The following TLR3 variants were observed in gnomAD, a reference collection of about 807,000 sequenced individuals.
TLR3 encodes the protein toll-like receptor 3.
In TLR3, 43 loss-of-function variants were observed where a neutral mutation model predicts 66.4. The ratio of observed to expected loss-of-function variants is 0.65; its 90% CI spans 0.51 to 0.83. The LOEUF (loss-of-function observed/expected upper bound fraction) is 0.83, where lower values mean the gene tolerates loss of function less well. Ranked by LOEUF, TLR3 falls within the 40% of genes least tolerant of loss-of-function variation. The probability of loss-of-function intolerance (pLI) is 0.00; values close to 1 mark genes in which losing one functional copy is unlikely to be tolerated. For synonymous variants in TLR3, 397 were observed against 397.2 expected (o/e 1.00, Z 0.01); for missense variants, 982 against 1,044.6 (o/e 0.94, Z 0.83).
intron 2 of TLR3, 107 bp downstream of exon 2, chr4:186,077,167 C>T (rs75258616): frequency 3.4e-6 from 4 of 1,189,518 alleles, no homozygotes; most frequent in Admixed American, 2.4e-5. Flanking sequence ...TTGATCTAAT[C>T]CAATTTGCCA....
chr4:186,086,676 A>C lies in TLR3; in HGVS notation c.*1803A>C, dbSNP rs947329627. 6.6e-6 allele frequency: 1 copy of C among 152,196 alleles called. No homozygotes were observed. Among genetic ancestry groups the C allele is most frequent in the Non-Finnish European group, 1.5e-5 (1 of 68,034 alleles). The allele number at this position is 152,196 out of a possible 1,614,324, so 9.4% of individuals were successfully genotyped here. ...TGTGTGTTATCACACAAATATTCTC[A>C]AATATTCATAAGATATTTTAAATAA... On this transcript the variant is annotated 3_prime_UTR_variant, in exon 5 of 5. Transcript: ENST00000296795.
At chr4:186,071,046 A>G (rs2099301373) in intron 1 of TLR3, among the ~76,000 whole-genome samples, 2 of 152,344 alleles carry the variant, frequency 1.3e-5, no homozygotes, top group South Asian at 4.1e-4. Context: ...ATGTTTGGAA[A>G]GCTTATCTCT....
chr4:186,075,467 T>C (rs959495468), intron 1 of TLR3, among the ~76,000 whole-genome samples: 1 of 151,822 alleles, frequency 6.6e-6, no homozygotes, highest in Non-Finnish European at 1.5e-5. Context: ...CTATAAAATT[T>C]AAAAAATAAT....
intron 3 of TLR3, among the ~76,000 whole-genome samples, chr4:186,081,224 G>A (rs1420961873): frequency 6.0e-5 from 9 of 150,416 alleles, no homozygotes; most frequent in Admixed American, 1.3e-4. Flanking sequence ...AGCTGAGATC[G>A]CACCACTGCA....
At position 186,085,262 on chromosome 4, in the gene TLR3, G is replaced by C. The variant is rs77751105; in HGVS notation, c.*389G>C. On this transcript the variant is annotated 3_prime_UTR_variant, in exon 5 of 5. Coordinates refer to ENST00000296795, the MANE Select transcript of TLR3 (RefSeq NM_003265.3). The stretch of plus-strand genomic sequence containing the variant: ...AGAATGAAAGATAATTGTTTCAATG[G>C]GTATAATGCTATTTCCTTTGTAAAA... 8.2e-3 allele frequency: 1,558 copies of C among 189,106 alleles called. 23 individuals are homozygous for C. The highest frequency in any genetic ancestry group is 0.035 in the African/African-American group (1,465 of 42,198). The allele number at this position is 189,106 out of a possible 1,614,324, so 11.7% of individuals were successfully genotyped here.
rs113522127 is a variant in TLR3 at position 186,084,900 on chromosome 4, G to T, written c.*27G>T. 1 of 1,568,906 alleles carries T rather than the reference G, an allele frequency of 6.4e-7. No homozygotes were observed. Among genetic ancestry groups the T allele is most frequent in the Non-Finnish European group, 8.7e-7 (1 of 1,143,476 alleles). Reference sequence around the variant, plus strand: ...TTTATTTAAATATTCAATTAGCAAAGGAGAAACTTTCTCAATTTAAAAAGT... The same window carrying T: ...TTTATTTAAATATTCAATTAGCAAATGAGAAACTTTCTCAATTTAAAAAGT... On this transcript the variant is annotated 3_prime_UTR_variant, in exon 5 of 5. Transcript: ENST00000296795.
At position 186,076,601 on chromosome 4, in the gene TLR3, T is replaced by C. The variant is rs2099302492; in HGVS notation, c.-7-12T>C. ...AATGTTGCTCATACTTTTTAATGTT[T>C]CTTTTCTACAGCAGAATCATGAGAC... On this transcript the variant is annotated splice_polypyrimidine_tract_variant and intron_variant, in intron 1 of 4. Transcript: ENST00000296795. The C allele has an allele frequency of 6.2e-7, 1 of 1,613,760 alleles. No homozygotes were observed. Among genetic ancestry groups the C allele is most frequent in the Admixed American group, 1.7e-5 (1 of 60,008 alleles).
In TLR3 at chr4:186,085,201, G is replaced by T; in HGVS notation, c.*328G>T. 1 of 275,022 alleles carries T rather than the reference G, an allele frequency of 3.6e-6. No individual in the cohort carries two copies. The highest frequency in any genetic ancestry group is 6.9e-6 in the Non-Finnish European group (1 of 144,628). The allele number at this position is 275,022 out of a possible 1,614,324, so 17.0% of individuals were successfully genotyped here. ...TTAAGAAAAGTTAGAGGTATATGAGGGTTTGTGATGATCTTTTTGTATTTT... is the reference window on the plus strand; with the variant it reads ...TTAAGAAAAGTTAGAGGTATATGAGTGTTTGTGATGATCTTTTTGTATTTT... On this transcript the variant is annotated 3_prime_UTR_variant, in exon 5 of 5. Coordinates refer to ENST00000296795, the MANE Select transcript of TLR3 (RefSeq NM_003265.3).
At chr4:186,074,259 G>A (rs1472330787) in intron 1 of TLR3, among the ~76,000 whole-genome samples, 1 of 152,220 alleles carries the variant, frequency 6.6e-6, no homozygotes, top group African/African-American at 2.4e-5. Context: ...CTTCATCCTT[G>A]TGGGAACGTC....
chr4:186,076,344 A>G (rs1156747727), intron 1 of TLR3, among the ~76,000 whole-genome samples: 1 of 152,236 alleles, frequency 6.6e-6, no homozygotes. Flanking sequence ...AGAACCTATC[A>G]AAAGAGAGAC....
At chr4:186,073,747 T>C (rs1416968861) in intron 1 of TLR3, among the ~76,000 whole-genome samples, 1 of 152,042 alleles carries the variant, frequency 6.6e-6, no homozygotes, top group Non-Finnish European at 1.5e-5. Flanking sequence ...ATAAACTAGA[T>C]TTCATCATAA....
intron 1 of TLR3, among the ~76,000 whole-genome samples, chr4:186,073,421 G>C (rs1366443677): frequency 6.6e-6 from 1 of 152,070 alleles, no homozygotes; most frequent in Non-Finnish European, 1.5e-5. Flanking sequence ...TCGGGAGCCT[G>C]AGGCAGGAGA....
chr4:186,080,749 C>T (rs977965151), intron 3 of TLR3, among the ~76,000 whole-genome samples: 28 of 152,040 alleles, frequency 1.8e-4, no homozygotes, highest in African/African-American at 6.0e-4. Flanking sequence ...CTGCCACCAC[C>T]CCTGGCTAAT....
intron 2 of TLR3, among the ~76,000 whole-genome samples, 187 bp from the exon 3 acceptor site, chr4:186,078,653 C>T (rs944751036): frequency 6.6e-6 from 1 of 152,086 alleles, no homozygotes; most frequent in Non-Finnish European, 1.5e-5. Flanking sequence ...GTGACCATCA[C>T]AAAGATTATA....
rs1304264685 is a variant in TLR3 at position 186,083,677 on chromosome 4, C to G, written c.1991C>G (p.Thr664Ser). 6.3e-7 allele frequency: 1 copy of G among 1,598,458 alleles called. No individual in the cohort carries two copies. The highest frequency in any genetic ancestry group is 2.2e-5 in the East Asian group (1 of 44,704). The stretch of plus-strand genomic sequence containing the variant: ...TGGTTTGTTAATTGGATTAACGAGA[C>G]CCATACCAACATCCCTGAGCTGTCA... ...IAWFVNWINE[T>S]HTNIPELSSH... Residue 664 changes from threonine (T) to serine (S), a missense_variant, in exon 4 of 5, where the codon ACC becomes AGC. Physicochemically the swap from Thr to Ser is moderately conservative, Grantham distance 58. Transcript: ENST00000296795. The surrounding 1 kb of genome is among the most constrained non-coding windows in gnomAD (Gnocchi z 4.0).
intron 1 of TLR3, 146 bp from the exon 2 acceptor site, chr4:186,076,467 T>C (rs1209529887): frequency 3.7e-6 from 3 of 806,388 alleles, no homozygotes; most frequent in Non-Finnish European, 6.2e-6. Context: ...ACTTGTATAA[T>C]ATGTACTTGT....
At chr4:186,077,911 G>A (rs2099302725) in intron 2 of TLR3, among the ~76,000 whole-genome samples, 1 of 151,838 alleles carries the variant, frequency 6.6e-6, no homozygotes, top group Admixed American at 6.6e-5. Context: ...CGATTTTCAA[G>A]TTACTTCATT....
rs766450307 is a variant in TLR3 at position 186,083,417 on chromosome 4, C to G, written c.1731C>G (p.Ile577Met). ...LNLESNGFDEIPVEVFKDLFE... is the reference protein window; with the variant it reads ...LNLESNGFDEMPVEVFKDLFE... Reference sequence around the variant, plus strand: ...TGGAGTCCAACGGCTTTGACGAGATCCCAGTTGAGGTCTTCAAGGATTTAT... The same window carrying G: ...TGGAGTCCAACGGCTTTGACGAGATGCCAGTTGAGGTCTTCAAGGATTTAT... Residue 577 changes from isoleucine (I) to methionine (M), a missense_variant, in exon 4 of 5, where the codon ATC (isoleucine) becomes ATG (methionine). Transcript: ENST00000296795. The surrounding 1 kb of genome is among the most constrained non-coding windows in gnomAD (Gnocchi z 4.0). The G allele has an allele frequency of 5.6e-6, 9 of 1,614,040 alleles. No homozygotes were observed. The highest frequency in any genetic ancestry group is 7.6e-6 in the Non-Finnish European group (9 of 1,179,964).
intron 1 of TLR3, among the ~76,000 whole-genome samples, chr4:186,070,516 C>G (rs2099301265): frequency 6.6e-6 from 1 of 151,852 alleles, no homozygotes; most frequent in Non-Finnish European, 1.5e-5. Context: ...TCACGAGTAG[C>G]TGGGACCACA....
Sources: allele counts gnomAD v4.1 joint callset (sites outside exome capture counted in the v4.1 genomes callset), GRCh38; gene constraint gnomAD v4.1.1; non-coding constraint Gnocchi (gnomAD v3.1); transcripts MANE v1.5; gene names NCBI Gene and HGNC (gene_info 2026-07-23, HGNC 2026-07-21).